The following FBXL17 variants were observed in gnomAD, a reference collection of about 807,000 sequenced individuals.
The protein encoded by FBXL17 is F-box and leucine rich repeat protein 17.
FBXL17 carries 22 observed loss-of-function variants against 66.2 expected under a neutral mutation model. The observed-to-expected ratio is 0.33, with a 90% CI of 0.24 to 0.47. The LOEUF (loss-of-function observed/expected upper bound fraction) is 0.47, where lower values mean the gene tolerates loss of function less well. FBXL17 is among the 20% of genes least tolerant of loss of function. FBXL17 has a pLI of 1.00. For synonymous variants in FBXL17, 474 were observed against 400.5 expected, an observed-to-expected ratio of 1.18 and a Z score of -2.19; for missense variants, 878 against 948.2, an observed-to-expected ratio of 0.93 and a Z score of 0.97.
At chr5:108,329,177 C>T (rs1424480522) in intron 4 of FBXL17, among the ~76,000 whole-genome samples, 1 of 151,816 alleles carries the variant, frequency 6.6e-6, no homozygotes, top group Non-Finnish European at 1.5e-5. Context: ...GGAAATAAAC[C>T]CTACAGGAGA....
chr5:108,334,999 T>C (rs923761612), intron 4 of FBXL17, among the ~76,000 whole-genome samples: 15 of 152,332 alleles, frequency 9.8e-5, no homozygotes, highest in East Asian at 1.9e-4. Context: ...TTCTACACTA[T>C]TGGTGTGAGA....
intron 6 of FBXL17, among the ~76,000 whole-genome samples, chr5:108,138,828 A>G (rs1751244510): frequency 6.6e-6 from 1 of 152,204 alleles, no homozygotes; most frequent in Non-Finnish European, 1.5e-5. Context: ...CAATATGGAC[A>G]AAATATGAAA....
intron 6 of FBXL17, among the ~76,000 whole-genome samples, chr5:108,062,944 T>G (rs1026601429): frequency 2.8e-4 from 43 of 152,230 alleles, no homozygotes; most frequent in African/African-American, 9.9e-4. Context: ...AGAGAACAAA[T>G]AATACTATGA....
At chr5:108,150,506 C>G (rs1356022602) in intron 6 of FBXL17, among the ~76,000 whole-genome samples, 1 of 152,180 alleles carries the variant, frequency 6.6e-6, no homozygotes, top group African/African-American at 2.4e-5. Context: ...GCCTGGCCCC[C>G]AATCATGTTC....
At chr5:108,203,064 TTAAG>T (rs1456216649) in intron 5 of FBXL17, among the ~76,000 whole-genome samples, 2 of 152,296 alleles carry the variant, frequency 1.3e-5, no homozygotes, top group East Asian at 1.9e-4. Flanking sequence ...CATAAAGTTT[TTAAG>T]TAAGTTTTAT....
At chr5:108,292,319 C>G (rs907820092) in intron 4 of FBXL17, among the ~76,000 whole-genome samples, 28 of 152,014 alleles carry the variant, frequency 1.8e-4, no homozygotes, top group African/African-American at 6.8e-4. Context: ...TAGGGTTTCT[C>G]CATGTTAGTC....
In FBXL17 at chr5:108,381,790, G is replaced by A. The variant is rs926440375; in HGVS notation, c.-99C>T. On this transcript the variant is annotated 5_prime_UTR_variant, in exon 1 of 9. Coordinates refer to ENST00000542267, the MANE Select transcript of FBXL17 (RefSeq NM_001163315.3). ...CAGGCCGCTCGCTGGCTCGGCCCCC[G>A]GAGGGGTCGCCCTTCCTGCGCACAC... 47 of 1,356,514 alleles carry A rather than the reference G, an allele frequency of 3.5e-5. No homozygotes were observed. Among genetic ancestry groups the A allele is most frequent in the Non-Finnish European group, 4.2e-5 (45 of 1,059,238 alleles). The allele number at this position is 1,356,514 out of a possible 1,614,324, so 84.0% of individuals were successfully genotyped here. A position where few individuals can be genotyped will look rare whatever the true frequency, so the allele number is the denominator to read the frequency against.
chr5:107,931,086 A>G (rs528084676), intron 7 of FBXL17, among the ~76,000 whole-genome samples: 8 of 152,274 alleles, frequency 5.3e-5, no homozygotes, highest in South Asian at 4.1e-4. Flanking sequence ...GAGCAGAACA[A>G]TAAAACCCAA....
intron 6 of FBXL17, among the ~76,000 whole-genome samples, chr5:108,162,550 G>A (rs141168158): frequency 1.1e-4 from 16 of 152,268 alleles, no homozygotes; most frequent in African/African-American, 3.8e-4. Context: ...ATTATATTCA[G>A]TAATTTCCAC....
At position 107,861,745 on chromosome 5, in the gene FBXL17, G is replaced by C; in HGVS notation, c.2081C>G (p.Pro694Arg). Residue 694 changes from proline (P) to arginine (R), a missense_variant, in exon 9 of 9, where the codon CCC becomes CGC. Transcript: ENST00000542267. Reference sequence around the variant, plus strand: ...CTAGGAGGAGGCGGCAGACATGTTGGGGGTCCAGCCCATCTGATAGGCTCT... The same window carrying C: ...CTAGGAGGAGGCGGCAGACATGTTGCGGGTCCAGCCCATCTGATAGGCTCT... ...LERAYQMGWT[P>R]NMSAASS 6.3e-7 allele frequency: 1 copy of C among 1,582,558 alleles called. No homozygotes were observed. The highest frequency in any genetic ancestry group is 8.6e-7 in the Non-Finnish European group (1 of 1,161,756).
chr5:108,278,405 C>T (rs374661046), intron 4 of FBXL17, among the ~76,000 whole-genome samples: 5 of 152,322 alleles, frequency 3.3e-5, no homozygotes, highest in African/African-American at 1.2e-4. Context: ...ACTCGGGCTG[C>T]TGCATGCAGA....
chr5:108,336,091 A>G (rs963863024), intron 4 of FBXL17, among the ~76,000 whole-genome samples: 3 of 152,288 alleles, frequency 2.0e-5, no homozygotes, highest in Admixed American at 6.5e-5. Context: ...TTCTTTTCCC[A>G]TTTTTGATTC....
chr5:107,972,782 T>A (rs1300576165), intron 7 of FBXL17, among the ~76,000 whole-genome samples: 4 of 151,964 alleles, frequency 2.6e-5, no homozygotes, highest in African/African-American at 9.7e-5. Context: ...GATTTGTCAC[T>A]TTTTTTTACA....
chr5:108,150,702 T>C (rs1751737405), intron 6 of FBXL17, among the ~76,000 whole-genome samples: 1 of 152,194 alleles, frequency 6.6e-6, no homozygotes, highest in African/African-American at 2.4e-5. Flanking sequence ...AAATTCAGAT[T>C]AAACATTTTT....
chr5:107,878,940 T>C, intron 8 of FBXL17: 1 of 985,462 alleles, frequency 1.0e-6, no homozygotes, highest in Non-Finnish European at 1.2e-6. Context: ...GCTCTCTGGT[T>C]AGAGAAAGGA....
At chr5:108,052,581 C>G (rs977530669) in intron 6 of FBXL17, among the ~76,000 whole-genome samples, 3 of 152,190 alleles carry the variant, frequency 2.0e-5, no homozygotes, top group Non-Finnish European at 1.5e-5. Context: ...ATTCCATCAT[C>G]ATGAATAGGA....
At chr5:108,116,344 A>G (rs1029307568) in intron 6 of FBXL17, among the ~76,000 whole-genome samples, 2 of 152,018 alleles carry the variant, frequency 1.3e-5, no homozygotes, top group African/African-American at 2.4e-5. Flanking sequence ...GGGCAATTAA[A>G]AATAATAAAA....
chr5:108,080,445 T>TA (rs1473906171), intron 6 of FBXL17, among the ~76,000 whole-genome samples: 1 of 152,218 alleles, frequency 6.6e-6, no homozygotes, highest in Non-Finnish European at 1.5e-5. Flanking sequence ...CTGTAATCAG[T>TA]AGAGTCATAT....
At chr5:107,996,928 T>C (rs779378775) in intron 7 of FBXL17, among the ~76,000 whole-genome samples, 3 of 152,204 alleles carry the variant, frequency 2.0e-5, no homozygotes, top group Non-Finnish European at 4.4e-5. Flanking sequence ...ATTTTTAACA[T>C]CACTACTCTT....
Sources: gnomAD v4.1 joint callset for allele counts (sites outside exome capture counted in the v4.1 genomes callset) on GRCh38, gnomAD v4.1.1 for gene constraint, MANE v1.5 for transcripts, NCBI Gene and HGNC (gene_info 2026-07-23, HGNC 2026-07-21) for gene names.